Variants in ERBB4 observed in about 807,000 individuals in gnomAD.
ERBB4 encodes the protein erb-b2 receptor tyrosine kinase 4.
ERBB4 carries 42 observed loss-of-function variants against 158.0 expected under a neutral mutation model. That is an observed-to-expected ratio of 0.27 (90% CI 0.21 to 0.34). The LOEUF (loss-of-function observed/expected upper bound fraction) is 0.34, where lower values mean the gene tolerates loss of function less well. ERBB4 is among the 10% of genes least tolerant of loss of function. The pLI, the probability that ERBB4 is intolerant of heterozygous loss-of-function variation, is 1.00. For missense variants in ERBB4, 1,333 were observed against 1,624.1 expected (o/e 0.82, Z 3.08); for synonymous variants, 583 against 558.7 (o/e 1.04, Z -0.61).
chr2:211,832,853 TA>T (rs1409544434), intron 3 of ERBB4, among the ~76,000 whole-genome samples: 1 of 147,102 alleles, frequency 6.8e-6, no homozygotes, highest in African/African-American at 2.5e-5. Flanking sequence ...ATATATAGTT[TA>T]TATATATATA....
chr2:211,984,736 A>G (rs1187993088), intron 2 of ERBB4, among the ~76,000 whole-genome samples: 2 of 152,094 alleles, frequency 1.3e-5, no homozygotes, highest in African/African-American at 2.4e-5. Flanking sequence ...TTTAGCATAT[A>G]ACATTTTTTC....
intron 20 of ERBB4, among the ~76,000 whole-genome samples, chr2:211,466,946 T>C (rs1449671266): frequency 6.6e-6 from 1 of 152,126 alleles, no homozygotes; most frequent in African/African-American, 2.4e-5. Context: ...TAAGTGGCAA[T>C]ATTGTAAAGC....
chr2:211,641,654 T>G (rs921860943), intron 16 of ERBB4, among the ~76,000 whole-genome samples: 2 of 152,116 alleles, frequency 1.3e-5, no homozygotes, highest in African/African-American at 4.8e-5. Flanking sequence ...CCCTTCATAT[T>G]CTTTTATAAT....
At chr2:212,286,594 C>CTTGTTTTTTTTTTTGTTTTGT (rs760466245) in intron 1 of ERBB4, among the ~76,000 whole-genome samples, 2 of 55,540 alleles carry the variant, frequency 3.6e-5, no homozygotes, top group Non-Finnish European at 7.2e-5. Context: ...TAAGTGCTGA[C>CTTGTTTTTTTTTTTGTTTTGT]TTTTTTTTTT....
intron 1 of ERBB4, among the ~76,000 whole-genome samples, chr2:212,348,154 T>A (rs1407596304): frequency 6.6e-6 from 1 of 152,152 alleles, no homozygotes; most frequent in Non-Finnish European, 1.5e-5. Context: ...ATCGTGATAG[T>A]CTGTCATTGA....
At chr2:211,980,532 T>G (rs2081760501) in intron 2 of ERBB4, among the ~76,000 whole-genome samples, 1 of 152,188 alleles carries the variant, frequency 6.6e-6, no homozygotes, top group African/African-American at 2.4e-5. Flanking sequence ...TTGTTTGTTT[T>G]AAATAATGTA....
At chr2:211,939,872 GGGAGGT>G (rs1001659922) in intron 3 of ERBB4, among the ~76,000 whole-genome samples, 5 of 151,640 alleles carry the variant, frequency 3.3e-5, no homozygotes, top group African/African-American at 1.2e-4. Context: ...GCATGAACCC[GGGAGGT>G]GGAGCTTGCA....
At chr2:212,500,519 T>C (rs546585183) in intron 1 of ERBB4, among the ~76,000 whole-genome samples, 24 of 152,236 alleles carry the variant, frequency 1.6e-4, no homozygotes, top group Admixed American at 1.1e-3. Context: ...TAATTTTTTT[T>C]TTCATTTTGT....
intron 2 of ERBB4, among the ~76,000 whole-genome samples, chr2:212,052,203 G>A (rs1285389258): frequency 6.6e-6 from 1 of 152,184 alleles, no homozygotes; most frequent in Non-Finnish European, 1.5e-5. Context: ...CTTCTCCCAT[G>A]CTGGTTGTTT....
intron 1 of ERBB4, among the ~76,000 whole-genome samples, chr2:212,139,918 T>C (rs1344196485): frequency 6.6e-6 from 1 of 151,590 alleles, no homozygotes; most frequent in East Asian, 1.9e-4. Flanking sequence ...TGATAAATTA[T>C]ATAAATAAGT....
rs975619629 is a variant in ERBB4 at position 211,802,843 on chromosome 2, G to C, written c.422-14684C>G. ...TTTTAGAGTGAATAGGAGGAGAGGA[G>C]GGAGAACTCTGTGAAAGCCTAATCC... On this transcript the variant is annotated intron_variant, in intron 3 of 27. Transcript: ENST00000342788. 2.0e-5 allele frequency among the ~76,000 whole-genome samples: 3 copies of C among 152,200 alleles called. No homozygotes were observed. The South Asian group carries it at 6.2e-4, about 31-fold the overall frequency.
chr2:212,033,268 T>C (rs1318736635), intron 2 of ERBB4, among the ~76,000 whole-genome samples: 3 of 152,032 alleles, frequency 2.0e-5, no homozygotes, highest in African/African-American at 7.2e-5. Flanking sequence ...AAGATTACTT[T>C]TCTAATGAAG....
intron 25 of ERBB4, among the ~76,000 whole-genome samples, chr2:211,417,910 T>C (rs2063428484): frequency 6.6e-6 from 1 of 152,114 alleles, no homozygotes; most frequent in African/African-American, 2.4e-5. Context: ...ATAAAATTTG[T>C]TTACCTGGCA....
intron 3 of ERBB4, among the ~76,000 whole-genome samples, chr2:211,814,966 C>T (rs2076848758): frequency 1.3e-5 from 2 of 152,198 alleles, no homozygotes; most frequent in East Asian, 1.9e-4. Context: ...GCTGTGCCTA[C>T]ACCTCTGATT....
intron 20 of ERBB4, among the ~76,000 whole-genome samples, chr2:211,483,620 T>G (rs1559213434): frequency 6.6e-6 from 1 of 152,120 alleles, no homozygotes; most frequent in African/African-American, 2.4e-5. Flanking sequence ...GGTGCGATCT[T>G]GGCTCACTGC....
intron 7 of ERBB4, among the ~76,000 whole-genome samples, chr2:211,719,336 T>G (rs1353053881): frequency 4.6e-5 from 7 of 152,176 alleles, no homozygotes; most frequent in African/African-American, 1.7e-4. Context: ...TGATGGACTC[T>G]GAAGGATTAT....
chr2:211,853,941 T>C (rs957535107), intron 3 of ERBB4, among the ~76,000 whole-genome samples: 2 of 152,058 alleles, frequency 1.3e-5, no homozygotes, highest in Non-Finnish European at 2.9e-5. Flanking sequence ...GGGCTTTAAT[T>C]CTTTATTCAA....
intron 16 of ERBB4, among the ~76,000 whole-genome samples, chr2:211,653,584 A>G (rs1390597124): frequency 1.3e-5 from 2 of 151,848 alleles, no homozygotes; most frequent in East Asian, 3.9e-4. Flanking sequence ...GACATGCTCA[A>G]TGTAATTTTC....
At chr2:211,422,785 T>C (rs1445958001) in intron 23 of ERBB4, among the ~76,000 whole-genome samples, 1 of 151,942 alleles carries the variant, frequency 6.6e-6, no homozygotes, top group Non-Finnish European at 1.5e-5. Flanking sequence ...TTAGGGAAAG[T>C]GTTTTCTTGG....
Sources: allele counts gnomAD v4.1 joint callset (sites outside exome capture counted in the v4.1 genomes callset), GRCh38; gene constraint gnomAD v4.1.1; transcripts MANE v1.5; gene names NCBI Gene and HGNC (gene_info 2026-07-23, HGNC 2026-07-21).